GRIK1: variants seen among roughly 807,000 people sequenced by gnomAD.
The protein encoded by GRIK1 is glutamate ionotropic receptor kainate type subunit 1.
GRIK1 carries 69 observed loss-of-function variants against 105.7 expected under a neutral mutation model. That is an observed-to-expected ratio of 0.65 (90% CI 0.54 to 0.80). The LOEUF (loss-of-function observed/expected upper bound fraction) is 0.80. Ranked by LOEUF, GRIK1 falls within the 30% of genes least tolerant of loss-of-function variation. The probability of loss-of-function intolerance (pLI) is 0.00; values close to 1 mark genes in which losing one functional copy is unlikely to be tolerated. For synonymous variants in GRIK1, 438 were observed against 431.3 expected (o/e 1.02, Z -0.19); for missense variants, 1,109 against 1,167.3 (o/e 0.95, Z 0.73).
intron 1 of GRIK1, among the ~76,000 whole-genome samples, chr21:29,913,069 G>A (rs1373633972): frequency 1.3e-5 from 2 of 152,026 alleles, no homozygotes; most frequent in African/African-American, 2.4e-5. Flanking sequence ...CACCATATAT[G>A]GAGGTTACTT....
chr21:29,939,557 GC>G lies in GRIK1; in HGVS notation c.-58del. On this transcript the variant is annotated 5_prime_UTR_variant, in exon 1 of 18. It introduces an in-frame stop codon into an upstream open reading frame of the 5' UTR. Transcript: ENST00000327783. ...AGCCGCTGCCGGACGCCCGAGAGAT[GC>G]ACCCAACTTGGGCCGGGTCCCCGCC... is the stretch of plus-strand genomic sequence containing the variant. The G allele has an allele frequency of 8.9e-7, 1 of 1,117,568 alleles. No individual in the cohort carries two copies. The highest frequency in any genetic ancestry group is 2.2e-5 in the Admixed American group (1 of 45,014). 69.2% of individuals were successfully genotyped at this position (1,117,568 alleles called of 1,614,324 possible).
chr21:29,756,320 G>T (rs1601611942), intron 1 of GRIK1, among the ~76,000 whole-genome samples: 1 of 152,280 alleles, frequency 6.6e-6, no homozygotes, highest in African/African-American at 2.4e-5. Context: ...GGCAGAGCTT[G>T]CAGTGAGCCG....
chr21:29,830,685 C>A (rs909056686), intron 1 of GRIK1, among the ~76,000 whole-genome samples: 1 of 151,910 alleles, frequency 6.6e-6, no homozygotes, highest in Admixed American at 6.6e-5. Flanking sequence ...ATAATAAGTG[C>A]AAGGTAAACA....
At chr21:29,873,767 T>G (rs1047062178) in intron 1 of GRIK1, among the ~76,000 whole-genome samples, 1 of 152,238 alleles carries the variant, frequency 6.6e-6, no homozygotes, top group Non-Finnish European at 1.5e-5. Flanking sequence ...GATTTTATCC[T>G]GTAAAAAATT....
intron 1 of GRIK1, among the ~76,000 whole-genome samples, chr21:29,774,025 A>G (rs1327937037): frequency 6.6e-6 from 1 of 152,200 alleles, no homozygotes; most frequent in Non-Finnish European, 1.5e-5. Flanking sequence ...TACAAAGATA[A>G]GGAACTAATA....
At chr21:29,800,535 A>G (rs549571379) in intron 1 of GRIK1, among the ~76,000 whole-genome samples, 1 of 152,378 alleles carries the variant, frequency 6.6e-6, no homozygotes, top group Non-Finnish European at 1.5e-5. Flanking sequence ...TGTGTTCTTA[A>G]CATTTCCTAA....
intron 3 of GRIK1, among the ~76,000 whole-genome samples, chr21:29,678,271 A>C (rs1173247965): frequency 6.6e-6 from 1 of 152,206 alleles, no homozygotes; most frequent in Non-Finnish European, 1.5e-5. Context: ...CTAAAAAATG[A>C]AAACGGGTAT....
chr21:29,627,868 T>C (rs2062168355), intron 7 of GRIK1, among the ~76,000 whole-genome samples: 1 of 152,188 alleles, frequency 6.6e-6, no homozygotes, highest in Non-Finnish European at 1.5e-5. Context: ...CAAGGTACCC[T>C]TGGGGAATAT....
intron 3 of GRIK1, 64 bp downstream of exon 3, chr21:29,689,655 TGACTATTTG>T (rs2063547749): frequency 6.0e-6 from 8 of 1,339,472 alleles, no homozygotes; most frequent in Non-Finnish European, 8.5e-6. Flanking sequence ...ATGAGTTTAA[TGACTATTTG>T]ATACTTTCGT....
chr21:29,854,345 C>A (rs545096906), intron 1 of GRIK1, among the ~76,000 whole-genome samples: 153 of 151,314 alleles, frequency 1.0e-3, no homozygotes, highest in Non-Finnish European at 1.7e-3. Context: ...AACACCCCCC[C>A]ACCAAGCCCC....
chr21:29,608,617 C>T (rs1041976656), intron 7 of GRIK1, among the ~76,000 whole-genome samples: 12 of 152,004 alleles, frequency 7.9e-5, no homozygotes, highest in Non-Finnish European at 1.8e-4. Context: ...TATCACTTAC[C>T]TTCTATGTCA....
At chr21:29,678,433 G>C (rs1270004996) in intron 3 of GRIK1, among the ~76,000 whole-genome samples, 2 of 152,106 alleles carry the variant, frequency 1.3e-5, no homozygotes, top group Non-Finnish European at 2.9e-5. Context: ...GAAGAATCTA[G>C]TCTAAGTATT....
At chr21:29,673,198 T>G (rs766088029) in intron 3 of GRIK1, 34 bp from the exon 4 acceptor site, 1 of 1,443,808 alleles carries the variant, frequency 6.9e-7, no homozygotes, top group Non-Finnish European at 9.7e-7. Context: ...CAATGGAGAC[T>G]GTTCTGTCGA....
At chr21:29,566,022 T>A (rs114474268) in intron 14 of GRIK1, among the ~76,000 whole-genome samples, 1 of 152,332 alleles carries the variant, frequency 6.6e-6, no homozygotes, top group African/African-American at 2.4e-5. Context: ...AAAAGTAGAA[T>A]GTTGGGAGTA....
At chr21:29,550,599 G>T (rs1202100760) in intron 16 of GRIK1, among the ~76,000 whole-genome samples, 1 of 152,166 alleles carries the variant, frequency 6.6e-6, no homozygotes, top group Non-Finnish European at 1.5e-5. Flanking sequence ...CATATTACCA[G>T]TTTGGGTCCT....
chr21:29,687,613 A>G (rs2063509124), intron 3 of GRIK1, among the ~76,000 whole-genome samples: 1 of 152,240 alleles, frequency 6.6e-6, no homozygotes, highest in Non-Finnish European at 1.5e-5. Flanking sequence ...TGAGTCACTG[A>G]GCACAGGTGA....
At chr21:29,931,465 C>T (rs1051503504) in intron 1 of GRIK1, among the ~76,000 whole-genome samples, 1 of 152,134 alleles carries the variant, frequency 6.6e-6, no homozygotes, top group African/African-American at 2.4e-5. Flanking sequence ...TGTTATCAAG[C>T]GTGAATACTA....
intron 1 of GRIK1, among the ~76,000 whole-genome samples, chr21:29,900,581 G>A (rs1401309138): frequency 2.0e-5 from 3 of 151,236 alleles, no homozygotes; most frequent in Middle Eastern, 3.5e-3. Context: ...TATTCAATAA[G>A]AGCTAACTAC....
chr21:29,867,886 A>AAGAG (rs748327047), intron 1 of GRIK1, among the ~76,000 whole-genome samples: 3,873 of 128,738 alleles, frequency 0.03, 195 homozygotes, highest in African/African-American at 0.11. Flanking sequence ...AAGAGAGAGA[A>AAGAG]AGAGAGAGAG....
Sources: allele counts gnomAD v4.1 joint callset (sites outside exome capture counted in the v4.1 genomes callset), GRCh38; gene constraint gnomAD v4.1.1; transcripts MANE v1.5; gene names NCBI Gene and HGNC (gene_info 2026-07-23, HGNC 2026-07-21).